The following KIAA1958 variants were observed in gnomAD, a reference collection of about 807,000 sequenced individuals.
KIAA1958 encodes the protein KIAA1958.
Under a neutral mutation model 47.2 loss-of-function variants are expected in KIAA1958, and 14 were observed. That is an observed-to-expected ratio of 0.30 (90% confidence interval 0.20 to 0.46). The LOEUF is 0.46. KIAA1958 is among the 20% of genes least tolerant of loss of function. The pLI is 1.00. For missense variants in KIAA1958, 803 were observed against 909.2 expected, an observed-to-expected ratio of 0.88 and a Z score of 1.50; for synonymous variants, 354 against 353.3, an observed-to-expected ratio of 1.00 and a Z score of -0.02.
At chr9:112,583,981 A>T (rs540478024) in intron 2 of KIAA1958, among the ~76,000 whole-genome samples, 1 of 152,250 alleles carries the variant, frequency 6.6e-6, no homozygotes, top group South Asian at 2.1e-4. Context: ...TGGGAGGATC[A>T]CTTGAGCCCG....
intron 2 of KIAA1958, among the ~76,000 whole-genome samples, chr9:112,626,181 G>C (rs1029679705): frequency 3.3e-5 from 5 of 152,136 alleles, no homozygotes; most frequent in Non-Finnish European, 5.9e-5. Flanking sequence ...GAGGCCTACA[G>C]TAAGTAGATG....
At chr9:112,577,063 C>G (rs748710609) in intron 2 of KIAA1958, among the ~76,000 whole-genome samples, 3 of 152,050 alleles carry the variant, frequency 2.0e-5, no homozygotes, top group African/African-American at 7.2e-5. Flanking sequence ...GAAGTAGTAT[C>G]TTATTGGGGT....
chr9:112,593,351 A>G (rs1169994347), intron 2 of KIAA1958, among the ~76,000 whole-genome samples: 1 of 152,178 alleles, frequency 6.6e-6, no homozygotes, highest in Non-Finnish European at 1.5e-5. Context: ...CCGGCCACGA[A>G]CTAAAAGGCC....
chr9:112,583,684 C>A (rs1249647311), intron 2 of KIAA1958, among the ~76,000 whole-genome samples: 4 of 152,038 alleles, frequency 2.6e-5, no homozygotes, highest in African/African-American at 9.7e-5. Context: ...GACAAAGTTG[C>A]AGAATATTAT....
intron 1 of KIAA1958, among the ~76,000 whole-genome samples, chr9:112,508,575 A>G (rs962416963): frequency 1.3e-5 from 2 of 152,216 alleles, no homozygotes; most frequent in African/African-American, 4.8e-5. Flanking sequence ...ACATTCCACC[A>G]TTTAATTGAG....
intron 2 of KIAA1958, among the ~76,000 whole-genome samples, chr9:112,644,873 T>C (rs1217701758): frequency 6.6e-6 from 1 of 152,104 alleles, no homozygotes; most frequent in Non-Finnish European, 1.5e-5. Flanking sequence ...CAGTGACTCA[T>C]GCCTGTAATC....
chr9:112,563,766 T>C (rs892448380), intron 1 of KIAA1958, among the ~76,000 whole-genome samples: 1 of 152,192 alleles, frequency 6.6e-6, no homozygotes, highest in African/African-American at 2.4e-5. Context: ...TCTAGTACAA[T>C]GTTGAATAAG....
At chr9:112,532,921 T>C (rs1429706669) in intron 1 of KIAA1958, among the ~76,000 whole-genome samples, 1 of 152,178 alleles carries the variant, frequency 6.6e-6, no homozygotes, top group African/African-American at 2.4e-5. Context: ...ACTTTCCAAA[T>C]TGAAAAATAA....
intron 1 of KIAA1958, among the ~76,000 whole-genome samples, chr9:112,572,086 C>T (rs867210947): frequency 2.0e-5 from 3 of 152,052 alleles, no homozygotes; most frequent in African/African-American, 4.8e-5. Flanking sequence ...TCCTGACTCC[C>T]ACGCCAGTCA....
At chr9:112,524,661 C>T (rs2132800967) in intron 1 of KIAA1958, among the ~76,000 whole-genome samples, 1 of 152,312 alleles carries the variant, frequency 6.6e-6, no homozygotes, top group East Asian at 1.9e-4. Flanking sequence ...TCTCCTTCTG[C>T]ACCTTCCAGT....
intron 1 of KIAA1958, among the ~76,000 whole-genome samples, chr9:112,544,907 T>C (rs1378489667): frequency 2.1e-5 from 3 of 143,254 alleles, no homozygotes; most frequent in Non-Finnish European, 4.7e-5. Flanking sequence ...ATTTTTAATC[T>C]TTTTTTTTTA....
chr9:112,618,650 C>T lies in KIAA1958; in HGVS notation c.1172-27000C>T, dbSNP rs1836447108. 5 of 1,550,626 alleles carry T rather than the reference C, an allele frequency of 3.2e-6. No homozygotes were observed. Among genetic ancestry groups the T allele is most frequent in the Non-Finnish European group, 4.4e-6 (5 of 1,147,028 alleles). On this transcript the variant is annotated intron_variant, in intron 2 of 3. Coordinates refer to ENST00000337530, the MANE Select transcript of KIAA1958 (RefSeq NM_133465.4). This position sits in a 1 kb window ranked among gnomAD's most constrained non-coding sequence, Gnocchi z 7.1. ...CAAGCCAGTCGTGAACCTGGCGGCT[C>T]TGCATTGGTACAACTGCCAGGCCCT...
At chr9:112,643,477 A>G (rs1455496889) in intron 2 of KIAA1958, among the ~76,000 whole-genome samples, 1 of 152,220 alleles carries the variant, frequency 6.6e-6, no homozygotes, top group Non-Finnish European at 1.5e-5. Flanking sequence ...TAACAATAAT[A>G]AATTTTATAC....
chr9:112,629,333 T>C (rs555915842), intron 2 of KIAA1958, among the ~76,000 whole-genome samples: 1 of 152,228 alleles, frequency 6.6e-6, no homozygotes, highest in Non-Finnish European at 1.5e-5. Flanking sequence ...TATTTTTATA[T>C]ATTTTTTCTG....
At chr9:112,554,022 A>T (rs894694096) in intron 1 of KIAA1958, among the ~76,000 whole-genome samples, 12 of 152,228 alleles carry the variant, frequency 7.9e-5, no homozygotes, top group Non-Finnish European at 1.3e-4. Context: ...TAGGAAATAG[A>T]TGGTATCATG....
rs1424226816 is a variant in KIAA1958, at chr9:112,575,237, C to G, written c.1157C>G (p.Ala386Gly). The G allele has an allele frequency of 6.4e-7, 1 of 1,555,916 alleles. No homozygotes were observed. ...VAPAITTEAT[A>G]QCIPAYSTKL... ...CCAGCCATAACCACTGAGGCCACAGCACAGTGCATACCAGGTATGGCACAT... is the reference window on the plus strand; with the variant it reads ...CCAGCCATAACCACTGAGGCCACAGGACAGTGCATACCAGGTATGGCACAT... The change falls in exon 2 of 4, where the codon GCA (alanine) becomes GGA (glycine). Residue 386 changes from alanine (A) to glycine (G), a missense_variant. Transcript: ENST00000337530.
rs900280966 is a variant in KIAA1958, at chr9:112,668,906, T to C, written c.*8837T>C. On this transcript the variant is annotated 3_prime_UTR_variant, in exon 4 of 4. Coordinates refer to ENST00000337530, the MANE Select transcript of KIAA1958 (RefSeq NM_133465.4). ...TTAGATAAGAAGCGCAATGCTTTTA[T>C]TTAAAAATTTAATATTTTCTATGGG... is the stretch of plus-strand genomic sequence containing the variant. 1.3e-5 allele frequency: 2 copies of C among 152,234 alleles called. No homozygotes were observed. The highest frequency in any genetic ancestry group is 4.8e-5 in the African/African-American group (2 of 41,460). 9.4% of individuals were successfully genotyped at this position (152,234 alleles called of 1,614,324 possible).
chr9:112,597,302 A>C (rs1184144194), intron 2 of KIAA1958, among the ~76,000 whole-genome samples: 1 of 152,208 alleles, frequency 6.6e-6, no homozygotes, highest in Non-Finnish European at 1.5e-5. Flanking sequence ...TATTTATGTT[A>C]ACTCAGTTCT....
At chr9:112,595,807 C>T (rs571007397) in intron 2 of KIAA1958, among the ~76,000 whole-genome samples, 10 of 148,172 alleles carry the variant, frequency 6.7e-5, no homozygotes, top group Admixed American at 6.7e-5. Context: ...TTTTTTGAGA[C>T]GGAGTTTCAC....
Sources: gnomAD v4.1 joint callset for allele counts (sites outside exome capture counted in the v4.1 genomes callset) on GRCh38, gnomAD v4.1.1 for gene constraint, Gnocchi (gnomAD v3.1) non-coding constraint, MANE v1.5 for transcripts, NCBI Gene and HGNC (gene_info 2026-07-23, HGNC 2026-07-21) for gene names.